Variants in MYLK4 observed in about 807,000 individuals in gnomAD.
MYLK4 encodes myosin light chain kinase family member 4, also known as caMLCK like.
A neutral mutation model predicts 48.1 loss-of-function variants in MYLK4; 46 were observed. That is an observed-to-expected ratio of 0.96 (90% CI 0.75 to 1.22). The LOEUF is 1.22. Ranked by LOEUF, MYLK4 falls within the 50% of genes most tolerant of loss-of-function variation. MYLK4 has a pLI of 0.00. For synonymous variants in MYLK4, 170 were observed against 180.8 expected, an observed-to-expected ratio of 0.94 and a Z score of 0.48; for missense variants, 451 against 486.1, an observed-to-expected ratio of 0.93 and a Z score of 0.68.
At chr6:2,668,395 C>T (rs1760747036) in intron 12 of MYLK4, among the ~76,000 whole-genome samples, 1 of 152,076 alleles carries the variant, frequency 6.6e-6, no homozygotes, top group Non-Finnish European at 1.5e-5. Context: ...CTGAGGAGTA[C>T]CCTAAATTTA....
intron 2 of MYLK4, among the ~76,000 whole-genome samples, chr6:2,706,698 G>C (rs996896031): frequency 4.6e-5 from 7 of 152,210 alleles, no homozygotes; most frequent in Non-Finnish European, 1.0e-4. Context: ...ATTCTTCGAG[G>C]AGGAGAGAGG....
Position 2,663,928 on chromosome 6 carries a change from G to T in MYLK4, c.*3997C>A, listed in dbSNP as rs1482340836. The T allele has an allele frequency of 6.6e-6, 1 of 152,216 alleles. No homozygotes were observed. Among genetic ancestry groups the T allele is most frequent in the Non-Finnish European group, 1.5e-5 (1 of 68,038 alleles). 9.4% of individuals were successfully genotyped at this position (152,216 alleles called of 1,614,324 possible). A position where few individuals can be genotyped will look rare whatever the true frequency, so the allele number is the denominator to read the frequency against. ...TCTGCTCTTCTGAATGGGTAGTAGT[G>T]GTTGAGTTATAAGCCTTCATGGAAG... On this transcript the variant is annotated 3_prime_UTR_variant, in exon 13 of 13. Coordinates refer to ENST00000274643, the MANE Select transcript of MYLK4 (RefSeq NM_001012418.5).
At chr6:2,732,404 C>A (rs1763508634) in intron 2 of MYLK4, among the ~76,000 whole-genome samples, 1 of 152,118 alleles carries the variant, frequency 6.6e-6, no homozygotes, top group African/African-American at 2.4e-5. Flanking sequence ...CACTGGAAAC[C>A]CCATTTCTTT....
At chr6:2,715,214 C>T (rs573609772) in intron 2 of MYLK4, among the ~76,000 whole-genome samples, 2 of 150,810 alleles carry the variant, frequency 1.3e-5, no homozygotes, top group South Asian at 4.2e-4. Context: ...AAGCTGAGAT[C>T]CTGCCATTGT....
At chr6:2,762,873 G>C in the MYLK4 span, among the ~76,000 whole-genome samples, 1 of 152,200 alleles carries the variant, frequency 6.6e-6, no homozygotes, top group Non-Finnish European at 1.5e-5. Flanking sequence ...CAGTGGGTTT[G>C]TGGTCTGACT....
At chr6:2,759,257 C>G in the MYLK4 span, among the ~76,000 whole-genome samples, 1 of 152,024 alleles carries the variant, frequency 6.6e-6, no homozygotes, top group Non-Finnish European at 1.5e-5. Flanking sequence ...TGCACAATAC[C>G]ACGCCAAGCT....
chr6:2,765,917 G>A, the MYLK4 span: 7 of 1,453,990 alleles, frequency 4.8e-6, no homozygotes, highest in Admixed American at 2.3e-5. Context: ...GGGTGAGGAG[G>A]GCGACGACGG....
In MYLK4 at chr6:2,665,196, C is replaced by T. The variant is rs1760598242; in HGVS notation, c.*2729G>A. ...CTCAGCTTTTCTGAGTCCATGCTCG[C>T]ATCTGGCTTGATTCCTCGGCTTTGC... On this transcript the variant is annotated 3_prime_UTR_variant, in exon 13 of 13. Transcript: ENST00000274643. 6.6e-6 allele frequency: 1 copy of T among 152,256 alleles called. No individual in the cohort carries two copies. The highest frequency in any genetic ancestry group is 2.4e-5 in the African/African-American group (1 of 41,454). The allele number at this position is 152,256 out of a possible 1,614,324, so 9.4% of individuals were successfully genotyped here.
intron 6 of MYLK4, among the ~76,000 whole-genome samples, chr6:2,684,215 C>T (rs2113133318): frequency 6.6e-6 from 1 of 152,234 alleles, no homozygotes; most frequent in South Asian, 2.1e-4. Context: ...TCTGATGACC[C>T]GGTCGGCTAC....
chr6:2,683,248 T>C, intron 6 of MYLK4, 86 bp from the exon 7 acceptor site: 2 of 1,443,498 alleles, frequency 1.4e-6, no homozygotes, highest in Non-Finnish European at 1.9e-6. Context: ...GTGCAAGTTC[T>C]GCTACCTCTT....
rs866918351 is a variant in MYLK4, at chr6:2,710,558, C to T, written c.160-17699G>A. Among the ~76,000 whole-genome samples, 17 of 152,292 alleles carry T rather than the reference C, an allele frequency of 1.1e-4. No individual in the cohort carries two copies. In the Middle Eastern group the frequency reaches 0.014, roughly 122 times the overall value. On this transcript the variant is annotated intron_variant, in intron 2 of 12. Coordinates refer to ENST00000274643, the MANE Select transcript of MYLK4 (RefSeq NM_001012418.5). ...TCCTTTCTGTTGACCAGCTCTGCTT[C>T]CTTACCCCTCCCTAATTCCTGTTTT...
At chr6:2,765,847 G>A in the MYLK4 span, 7 of 1,404,192 alleles carry the variant, frequency 5.0e-6, no homozygotes, top group East Asian at 3.1e-5. Context: ...GGCGGCTGTC[G>A]GAGAGCTCGG....
At chr6:2,694,508 G>A (rs1207809029) in intron 2 of MYLK4, among the ~76,000 whole-genome samples, 7 of 26,290 alleles carry the variant, frequency 2.7e-4, no homozygotes, top group Non-Finnish European at 4.5e-4. Flanking sequence ...TGGTGGTGGT[G>A]GTGGCGGTGG....
At chr6:2,729,636 G>A (rs1381250167) in intron 2 of MYLK4, among the ~76,000 whole-genome samples, 1 of 152,174 alleles carries the variant, frequency 6.6e-6, no homozygotes, top group Non-Finnish European at 1.5e-5. Context: ...ATGCTTTCCA[G>A]ACTGGACTTT....
rs537003095 is a variant in MYLK4, at chr6:2,672,967, G to T, written c.1120-1619C>A. ...TCCACAATACTGTATAATTATAGCTGTAATAACTAGATTTATAAAATGAAA... is the reference window on the plus strand; with the variant it reads ...TCCACAATACTGTATAATTATAGCTTTAATAACTAGATTTATAAAATGAAA... On this transcript the variant is annotated intron_variant, in intron 11 of 12. Coordinates refer to ENST00000274643, the MANE Select transcript of MYLK4 (RefSeq NM_001012418.5). This position sits in a 1 kb window ranked among gnomAD's most constrained non-coding sequence, Gnocchi z 4.3. Among the ~76,000 whole-genome samples the T allele has an allele frequency of 4.6e-5, 7 of 152,092 alleles. No homozygotes were observed. Among genetic ancestry groups the T allele is most frequent in the Admixed American group, 4.6e-4 (7 of 15,276 alleles).
chr6:2,694,854 C>G (rs1363573714), intron 2 of MYLK4, among the ~76,000 whole-genome samples: 2 of 152,042 alleles, frequency 1.3e-5, no homozygotes, highest in African/African-American at 2.4e-5. Context: ...TCTGACCCAG[C>G]TGTCTACTTC....
chr6:2,717,031 C>A (rs4959711), intron 2 of MYLK4, among the ~76,000 whole-genome samples: 1 of 152,124 alleles, frequency 6.6e-6, no homozygotes, highest in East Asian at 1.9e-4. Flanking sequence ...TGGTGTTCTG[C>A]CAGGTAAGAG....
chr6:2,681,677 A>G (rs914645250), intron 7 of MYLK4, among the ~76,000 whole-genome samples: 10 of 152,222 alleles, frequency 6.6e-5, no homozygotes, highest in African/African-American at 2.4e-4. Flanking sequence ...ACAATCACTC[A>G]ATATTTTTGG....
intron 2 of MYLK4, among the ~76,000 whole-genome samples, chr6:2,705,760 T>G (rs924329403): frequency 6.6e-6 from 1 of 152,196 alleles, no homozygotes; most frequent in African/African-American, 2.4e-5. Flanking sequence ...ATTACGGGAA[T>G]GGAAGGAGTT....
Sources: allele counts gnomAD v4.1 joint callset (sites outside exome capture counted in the v4.1 genomes callset), GRCh38; gene constraint gnomAD v4.1.1; non-coding constraint Gnocchi (gnomAD v3.1); transcripts MANE v1.5; gene names NCBI Gene and HGNC (gene_info 2026-07-23, HGNC 2026-07-21).